LPAR1: variants seen among roughly 807,000 people sequenced by gnomAD.
The protein encoded by LPAR1 is LPA receptor 1.
Under a neutral mutation model 23.8 loss-of-function variants are expected in LPAR1, and 5 were observed. The ratio of observed to expected loss-of-function variants is 0.21; its 90% CI spans 0.11 to 0.44. The LOEUF (loss-of-function observed/expected upper bound fraction) is 0.44. Among genes scored for constraint, LPAR1 ranks in the 20% least tolerant of loss-of-function variants. The probability of loss-of-function intolerance (pLI) is 0.99; values close to 1 mark genes in which losing one functional copy is unlikely to be tolerated. For missense variants in LPAR1, 311 were observed against 482.8 expected (o/e 0.64, Z 3.33); for synonymous variants, 160 against 164.7 (o/e 0.97, Z 0.22).
At chr9:110,904,578 T>C (rs1237250077) in intron 5 of LPAR1, among the ~76,000 whole-genome samples, 1 of 152,208 alleles carries the variant, frequency 6.6e-6, no homozygotes, top group Non-Finnish European at 1.5e-5. Flanking sequence ...TCAATATAAA[T>C]AAAAGTATTA....
intron 2 of LPAR1, among the ~76,000 whole-genome samples, chr9:111,004,143 T>C (rs1191242371): frequency 6.6e-6 from 1 of 152,204 alleles, no homozygotes; most frequent in Non-Finnish European, 1.5e-5. Flanking sequence ...GATCCTCCAG[T>C]GATAGTCACC....
At chr9:110,901,731 T>TCA (rs75971834) in intron 5 of LPAR1, among the ~76,000 whole-genome samples, 24,980 of 152,068 alleles carry the variant, frequency 0.16, 2,605 homozygotes, top group Admixed American at 0.24. Flanking sequence ...CCAAACCATA[T>TCA]CACAGCATGA....
intron 2 of LPAR1, among the ~76,000 whole-genome samples, chr9:110,975,765 C>T (rs1343180242): frequency 6.6e-6 from 1 of 152,084 alleles, no homozygotes; most frequent in Non-Finnish European, 1.5e-5. Flanking sequence ...CCTTGAGATG[C>T]CTAATAAACA....
At chr9:111,016,276 C>T (rs901810260) in intron 2 of LPAR1, among the ~76,000 whole-genome samples, 1 of 152,132 alleles carries the variant, frequency 6.6e-6, no homozygotes, top group Non-Finnish European at 1.5e-5. Context: ...CAAATACCCA[C>T]AGGGACCAAC....
chr9:110,901,127 T>A (rs752387229), intron 5 of LPAR1, among the ~76,000 whole-genome samples: 3 of 152,182 alleles, frequency 2.0e-5, no homozygotes, highest in Non-Finnish European at 4.4e-5. Context: ...CCTTTTTGAG[T>A]TTGACATATA....
intron 2 of LPAR1, among the ~76,000 whole-genome samples, chr9:110,991,496 G>T (rs559739821): frequency 1.3e-5 from 2 of 152,248 alleles, no homozygotes; most frequent in East Asian, 3.9e-4. Context: ...ACTTTGATGT[G>T]ATTTTATATG....
At chr9:111,005,712 AAAC>A (rs2097207432) in intron 2 of LPAR1, among the ~76,000 whole-genome samples, 1 of 152,110 alleles carries the variant, frequency 6.6e-6, no homozygotes, top group South Asian at 2.1e-4. Context: ...AGTTCCTAGA[AAAC>A]ATCATGTTAC....
chr9:110,925,680 C>G (rs2093967634), intron 5 of LPAR1, among the ~76,000 whole-genome samples: 1 of 152,220 alleles, frequency 6.6e-6, no homozygotes, highest in Non-Finnish European at 1.5e-5. Context: ...AACCACTAAT[C>G]ACAGCAGGCC....
At chr9:110,942,494 A>C (rs1315423498) in intron 4 of LPAR1, among the ~76,000 whole-genome samples, 1 of 152,238 alleles carries the variant, frequency 6.6e-6, no homozygotes, top group Non-Finnish European at 1.5e-5. Context: ...AATTTTGCAG[A>C]ACATTGCAAT....
At chr9:111,024,065 C>T (rs911005461) in intron 2 of LPAR1, among the ~76,000 whole-genome samples, 3 of 152,110 alleles carry the variant, frequency 2.0e-5, no homozygotes, top group Admixed American at 1.3e-4. Flanking sequence ...TTTCCACTAA[C>T]TACATAGTAC....
intron 2 of LPAR1, among the ~76,000 whole-genome samples, chr9:111,001,198 T>A (rs910137407): frequency 6.6e-6 from 1 of 152,184 alleles, no homozygotes; most frequent in African/African-American, 2.4e-5. Context: ...AAATAACATG[T>A]AAGGAGTGAA....
chr9:110,988,835 A>G (rs76224111), intron 2 of LPAR1, among the ~76,000 whole-genome samples: 1,914 of 152,302 alleles, frequency 0.013, 17 homozygotes, highest in Non-Finnish European at 0.021. Context: ...CTTCTCCAAG[A>G]ATATTCATAG....
At chr9:111,023,607 C>T (rs2097611208) in intron 2 of LPAR1, among the ~76,000 whole-genome samples, 1 of 152,096 alleles carries the variant, frequency 6.6e-6, no homozygotes, top group South Asian at 2.1e-4. Flanking sequence ...ACTCTATTCC[C>T]AGCTACTAGC....
At chr9:110,956,190 G>A (rs1184515117) in intron 4 of LPAR1, among the ~76,000 whole-genome samples, 4 of 126,044 alleles carry the variant, frequency 3.2e-5, no homozygotes, top group Non-Finnish European at 4.7e-5. Flanking sequence ...TGAACAAGGC[G>A]AACACATGGA....
chr9:110,952,345 T>C (rs2136713925), intron 4 of LPAR1, among the ~76,000 whole-genome samples: 1 of 152,232 alleles, frequency 6.6e-6, no homozygotes, highest in East Asian at 1.9e-4. Context: ...CTGGAGACCA[T>C]GCAACAGCGT....
At chr9:110,952,578 C>G (rs927543194) in intron 4 of LPAR1, among the ~76,000 whole-genome samples, 1 of 152,186 alleles carries the variant, frequency 6.6e-6, no homozygotes, top group Non-Finnish European at 1.5e-5. Context: ...CTGCTGCCCA[C>G]GATAGCAGGG....
chr9:110,953,478 A>G (rs1248264844), intron 4 of LPAR1, among the ~76,000 whole-genome samples: 1 of 152,194 alleles, frequency 6.6e-6, no homozygotes, highest in African/African-American at 2.4e-5. Flanking sequence ...AGCCTGATCA[A>G]CATGGAGAAA....
intron 1 of LPAR1, among the ~76,000 whole-genome samples, chr9:111,036,555 G>A (rs2097899545): frequency 6.6e-6 from 1 of 152,040 alleles, no homozygotes; most frequent in South Asian, 2.1e-4. Context: ...CTCGCTATTT[G>A]GGAAGCTGGA....
In LPAR1 at chr9:111,016,154, C is replaced by T. The variant is rs564880241; in HGVS notation, c.-182+19968G>A. Among the ~76,000 whole-genome samples, 27 of 152,228 alleles carry T rather than the reference C, an allele frequency of 1.8e-4. No individual in the cohort carries two copies. In the South Asian group the frequency reaches 5.6e-3, roughly 32 times the overall value. ...TCCAGTCACAGCCTTTCAATGAAGCCTTTTATGGGTCCTATTCCCCACCCA... is the reference window on the plus strand; with the variant it reads ...TCCAGTCACAGCCTTTCAATGAAGCTTTTTATGGGTCCTATTCCCCACCCA... On this transcript the variant is annotated intron_variant, in intron 2 of 5. Coordinates refer to ENST00000683809, the MANE Select transcript of LPAR1 (RefSeq NM_001351411.2).
Sources: gnomAD v4.1 joint callset for allele counts (sites outside exome capture counted in the v4.1 genomes callset) on GRCh38, gnomAD v4.1.1 for gene constraint, MANE v1.5 for transcripts, NCBI Gene and HGNC (gene_info 2026-07-23, HGNC 2026-07-21) for gene names.